Variants in TMCO5A observed in about 807,000 individuals in gnomAD.
TMCO5A encodes transmembrane and coiled-coil domains 5A, also known as transmembrane and coiled-coil domain-containing protein 5A.
TMCO5A carries 34 observed loss-of-function variants against 42.3 expected under a neutral mutation model. The observed-to-expected ratio is 0.80, with a 90% confidence interval of 0.61 to 1.07. The LOEUF (loss-of-function observed/expected upper bound fraction) is 1.07, where lower values mean the gene tolerates loss of function less well. Ranked by LOEUF, TMCO5A falls within the 50% of genes least tolerant of loss-of-function variation. The pLI is 0.00. For synonymous variants in TMCO5A, 131 were observed against 115.6 expected, an observed-to-expected ratio of 1.13 and a Z score of -0.86; for missense variants, 357 against 327.9, an observed-to-expected ratio of 1.09 and a Z score of -0.69.
chr15:37,975,280 G>T, the TMCO5A span, among the ~76,000 whole-genome samples: 1 of 152,134 alleles, frequency 6.6e-6, no homozygotes, highest in African/African-American at 2.4e-5. Flanking sequence ...TTGAGTTCAG[G>T]TCCCAAATAT....
the TMCO5A span, among the ~76,000 whole-genome samples, chr15:37,982,533 G>GATATTATATATTATTTATATATAATAT: frequency 7.2e-6 from 1 of 139,614 alleles, no homozygotes; most frequent in African/African-American, 2.6e-5. Flanking sequence ...ATATATAATA[G>GATATTATATATTATTTATATATAATAT]ATATTATATA....
chr15:37,943,411 T>C lies in TMCO5A; in HGVS notation c.627+13T>C, dbSNP rs778438309. On this transcript the variant is annotated intron_variant, in intron 10 of 11. Coordinates refer to ENST00000319669, the MANE Select transcript of TMCO5A (RefSeq NM_152453.4). ...CCAAAATAATGAGGTAAACACTCCATTCTCTCTTCAGCTCCTCACAGTGTC... is the reference window on the plus strand; with the variant it reads ...CCAAAATAATGAGGTAAACACTCCACTCTCTCTTCAGCTCCTCACAGTGTC... The C allele has an allele frequency of 1.2e-6, 2 of 1,611,648 alleles. No individual in the cohort carries two copies. The highest frequency in any genetic ancestry group is 2.2e-5 in the East Asian group (1 of 44,686).
chr15:38,012,482 T>C, the TMCO5A span, among the ~76,000 whole-genome samples: 2 of 152,112 alleles, frequency 1.3e-5, no homozygotes, highest in Non-Finnish European at 2.9e-5. Flanking sequence ...AGGACACAGT[T>C]GATGTTGAAG....
intron 11 of TMCO5A, among the ~76,000 whole-genome samples, chr15:37,949,457 C>T (rs1040121811): frequency 8.6e-5 from 13 of 151,900 alleles, no homozygotes; most frequent in East Asian, 1.9e-4. Flanking sequence ...CTTACTATGA[C>T]GCTATAGTAA....
downstream of TMCO5A, among the ~76,000 whole-genome samples, chr15:37,971,276 C>G (rs1890668615): frequency 6.6e-6 from 1 of 152,160 alleles, no homozygotes; most frequent in Non-Finnish European, 1.5e-5. Flanking sequence ...GGCTTCCACC[C>G]TCTGAAGCAA....
chr15:37,983,391 T>C, the TMCO5A span, among the ~76,000 whole-genome samples: 2 of 152,186 alleles, frequency 1.3e-5, no homozygotes, highest in Non-Finnish European at 2.9e-5. Context: ...TATGCCTGTA[T>C]CTGGCCCCAA....
chr15:38,012,483 G>C, the TMCO5A span, among the ~76,000 whole-genome samples: 1 of 152,074 alleles, frequency 6.6e-6, no homozygotes, highest in Admixed American at 6.5e-5. Flanking sequence ...GGACACAGTT[G>C]ATGTTGAAGC....
At chr15:38,028,930 T>C in the TMCO5A span, among the ~76,000 whole-genome samples, 4 of 151,948 alleles carry the variant, frequency 2.6e-5, no homozygotes, top group Non-Finnish European at 4.4e-5. Context: ...AACAAAAAAG[T>C]AAAACAAGAA....
chr15:37,993,832 C>T, the TMCO5A span, among the ~76,000 whole-genome samples: 1 of 152,038 alleles, frequency 6.6e-6, no homozygotes, highest in South Asian at 2.1e-4. Context: ...TGTTGCCTGC[C>T]CTTGGGGTGG....
At chr15:38,014,117 C>T in the TMCO5A span, among the ~76,000 whole-genome samples, 1 of 152,186 alleles carries the variant, frequency 6.6e-6, no homozygotes. Context: ...ATAATTCCCT[C>T]ACCTCAAGAT....
the TMCO5A span, among the ~76,000 whole-genome samples, chr15:38,021,178 C>T: frequency 2.0e-5 from 3 of 152,182 alleles, no homozygotes; most frequent in Admixed American, 6.5e-5. Context: ...AGATCCCTGA[C>T]TCAGCTTTGT....
Position 37,947,719 on chromosome 15 carries a change from A to C in TMCO5A, c.668+23A>C, listed in dbSNP as rs777756060. 7 of 1,539,656 alleles carry C rather than the reference A, an allele frequency of 4.5e-6. No individual in the cohort carries two copies. In the Admixed American group the frequency reaches 1.2e-4, roughly 27 times the overall value. On this transcript the variant is annotated intron_variant, in intron 11 of 11. Transcript: ENST00000319669. ...AAAGTAAGTAAAATATCTTCAGGTAAACTTCCTATAAAATTGGGAGCCCTA... is the reference window on the plus strand; with the variant it reads ...AAAGTAAGTAAAATATCTTCAGGTACACTTCCTATAAAATTGGGAGCCCTA...
chr15:37,968,209 C>A (rs1283782800), downstream of TMCO5A, among the ~76,000 whole-genome samples: 18 of 152,144 alleles, frequency 1.2e-4, no homozygotes, highest in Admixed American at 1.1e-3. Context: ...CCCTGTGCTC[C>A]AAGGTCAAGC....
the TMCO5A span, among the ~76,000 whole-genome samples, chr15:38,034,737 C>G: frequency 6.6e-6 from 1 of 152,134 alleles, no homozygotes; most frequent in Non-Finnish European, 1.5e-5. Flanking sequence ...TTACCAATTG[C>G]CTACCAGACA....
At chr15:38,019,748 C>T in the TMCO5A span, among the ~76,000 whole-genome samples, 7 of 151,680 alleles carry the variant, frequency 4.6e-5, no homozygotes, top group Admixed American at 1.3e-4. Context: ...GCTGGGACTA[C>T]AGGCAGTGCC....
chr15:37,973,638 GTTGT>G, the TMCO5A span, among the ~76,000 whole-genome samples: 2 of 152,148 alleles, frequency 1.3e-5, no homozygotes, highest in African/African-American at 4.8e-5. Context: ...CTTTGCTGAA[GTTGT>G]TTATCAGCTG....
chr15:37,952,074 A>G (rs926597786), downstream of TMCO5A, among the ~76,000 whole-genome samples: 1 of 152,158 alleles, frequency 6.6e-6, no homozygotes, highest in Non-Finnish European at 1.5e-5. Flanking sequence ...AGCCCTAGCT[A>G]GAGGAGAATT....
chr15:37,965,096 C>G (rs1890525481), intron 11 of TMCO5A, among the ~76,000 whole-genome samples: 1 of 152,068 alleles, frequency 6.6e-6, no homozygotes, highest in Non-Finnish European at 1.5e-5. Context: ...ATAGAGAACC[C>G]AGAAACAAAT....
chr15:38,035,772 C>T, the TMCO5A span, among the ~76,000 whole-genome samples: 1 of 152,154 alleles, frequency 6.6e-6, no homozygotes, highest in African/African-American at 2.4e-5. Context: ...ATTCAGAAAG[C>T]CCCAAGGCAT....
Sources: gnomAD v4.1 joint callset for allele counts (sites outside exome capture counted in the v4.1 genomes callset) on GRCh38, gnomAD v4.1.1 for gene constraint, MANE v1.5 for transcripts, NCBI Gene and HGNC (gene_info 2026-07-23, HGNC 2026-07-21) for gene names.